The following CADM2 variants were observed in gnomAD, a reference collection of about 807,000 sequenced individuals.
CADM2 encodes immunoglobulin superfamily member 4D.
A neutral mutation model predicts 49.8 loss-of-function variants in CADM2; 12 were observed. That is an observed-to-expected ratio of 0.24 (90% confidence interval 0.15 to 0.39). The LOEUF (loss-of-function observed/expected upper bound fraction) is 0.39, where lower values mean the gene tolerates loss of function less well. CADM2 is among the 10% of genes least tolerant of loss of function. CADM2 has a pLI of 1.00. For synonymous variants in CADM2, 214 were observed against 175.4 expected, an observed-to-expected ratio of 1.22 and a Z score of -1.74; for missense variants, 378 against 492.3, an observed-to-expected ratio of 0.77 and a Z score of 2.20.
chr3:85,928,093 A>C (rs1720113676), intron 6 of CADM2, among the ~76,000 whole-genome samples: 1 of 152,062 alleles, frequency 6.6e-6, no homozygotes. Flanking sequence ...AGTCATTCAA[A>C]TGGAAAGTGA....
chr3:85,837,660 T>A (rs558797423), intron 3 of CADM2, among the ~76,000 whole-genome samples: 3 of 151,876 alleles, frequency 2.0e-5, no homozygotes, highest in Admixed American at 2.0e-4. Context: ...AGAACAAGAA[T>A]CTTTTCTTGA....
intron 7 of CADM2, among the ~76,000 whole-genome samples, chr3:85,959,170 C>CTCTCTCTG (rs1340035996): frequency 6.6e-6 from 1 of 150,840 alleles, no homozygotes; most frequent in East Asian, 2.0e-4. Flanking sequence ...CTCTCTCTCT[C>CTCTCTCTG]TCTGTCTCAC....
In CADM2 at chr3:84,965,117, A is replaced by G. The variant is rs74418588; in HGVS notation, c.61+5449A>G. ...ATAAAAAATGAAGGACACAATTTAA[A>G]TTTACTGATTTAACCTAAAATATTT... On this transcript the variant is annotated intron_variant, in intron 1 of 9. Coordinates refer to ENST00000383699, the MANE Select transcript of CADM2 (RefSeq NM_001167675.2). Among the ~76,000 whole-genome samples the G allele has an allele frequency of 3.0e-3, 450 of 152,348 alleles. 3 individuals are homozygous for G. Among genetic ancestry groups the G allele is most frequent in the African/African-American group, 0.01 (433 of 41,582 alleles).
chr3:85,290,465 T>C (rs1287308090), intron 1 of CADM2, among the ~76,000 whole-genome samples: 2 of 152,186 alleles, frequency 1.3e-5, no homozygotes, highest in African/African-American at 4.8e-5. Flanking sequence ...CTTGCCTCTG[T>C]AGGCTCCATC....
chr3:85,681,725 A>G (rs962561776), intron 1 of CADM2, among the ~76,000 whole-genome samples: 7 of 152,168 alleles, frequency 4.6e-5, no homozygotes, highest in African/African-American at 1.2e-4. Flanking sequence ...TTTTATTCCT[A>G]TTAACCCATT....
chr3:85,777,165 TA>T (rs1271275777), intron 2 of CADM2, among the ~76,000 whole-genome samples: 2 of 151,994 alleles, frequency 1.3e-5, no homozygotes, highest in Non-Finnish European at 2.9e-5. Flanking sequence ...ATCATTTTCA[TA>T]AATAAATTTT....
At position 85,893,749 on chromosome 3, in the gene CADM2, C is replaced by T. The variant is rs878895899; in HGVS notation, c.529+7422C>T. ...CAGCAAGAAGACACATGAAAAAATGCTCATCATCACTGGCCATCAGAGAAA... is the reference window on the plus strand; with the variant it reads ...CAGCAAGAAGACACATGAAAAAATGTTCATCATCACTGGCCATCAGAGAAA... On this transcript the variant is annotated intron_variant, in intron 5 of 9. Coordinates refer to ENST00000383699, the MANE Select transcript of CADM2 (RefSeq NM_001167675.2). Among the ~76,000 whole-genome samples the T allele has an allele frequency of 6.9e-4, 105 of 152,252 alleles. 1 individual carries two copies. Among genetic ancestry groups the T allele is most frequent in the African/African-American group, 2.4e-3 (101 of 41,568 alleles).
intron 1 of CADM2, among the ~76,000 whole-genome samples, chr3:85,418,247 T>C (rs905616092): frequency 1.3e-5 from 2 of 152,028 alleles, no homozygotes; most frequent in South Asian, 4.1e-4. Flanking sequence ...ATCCATAGAA[T>C]TTACAAGACA....
chr3:85,288,678 A>G (rs1355967762), intron 1 of CADM2, among the ~76,000 whole-genome samples: 1 of 151,796 alleles, frequency 6.6e-6, no homozygotes, highest in East Asian at 2.0e-4. Context: ...ATTCAGTGAT[A>G]AGATTCAGAT....
intron 1 of CADM2, among the ~76,000 whole-genome samples, chr3:85,296,711 A>C (rs1476633439): frequency 3.3e-5 from 5 of 152,090 alleles, no homozygotes; most frequent in Non-Finnish European, 5.9e-5. Flanking sequence ...TTTTATTTCT[A>C]AGATCTAATC....
intron 1 of CADM2, among the ~76,000 whole-genome samples, chr3:85,693,921 A>AG (rs1296515368): frequency 1.3e-5 from 2 of 151,636 alleles, no homozygotes; most frequent in South Asian, 2.1e-4. Context: ...AAAAGAAAAA[A>AG]AAAAGAAAAG....
chr3:85,285,641 T>G (rs1251804047), intron 1 of CADM2, among the ~76,000 whole-genome samples: 1 of 151,992 alleles, frequency 6.6e-6, no homozygotes, highest in Non-Finnish European at 1.5e-5. Flanking sequence ...AGTCTTTTTC[T>G]CCTACCACAA....
chr3:85,598,109 G>A (rs1424905805), intron 1 of CADM2, among the ~76,000 whole-genome samples: 1 of 151,876 alleles, frequency 6.6e-6, no homozygotes, highest in African/African-American at 2.4e-5. Flanking sequence ...AGACCGACAC[G>A]GTGGTAAATA....
At chr3:85,281,647 G>C (rs1414877129) in intron 1 of CADM2, among the ~76,000 whole-genome samples, 1 of 152,028 alleles carries the variant, frequency 6.6e-6, no homozygotes, top group East Asian at 1.9e-4. Flanking sequence ...TTTTCAAAGA[G>C]TTCACTAAAT....
intron 1 of CADM2, among the ~76,000 whole-genome samples, chr3:85,295,304 A>G (rs2043928253): frequency 6.6e-6 from 1 of 151,930 alleles, no homozygotes; most frequent in Admixed American, 6.5e-5. Context: ...GGTGCTGGAG[A>G]GGATGTGGAG....
chr3:85,220,534 T>A (rs1173340135), intron 1 of CADM2, among the ~76,000 whole-genome samples: 2 of 152,168 alleles, frequency 1.3e-5, no homozygotes, highest in Non-Finnish European at 2.9e-5. Context: ...TAGTTGAACA[T>A]CTAGGGCTTA....
intron 2 of CADM2, among the ~76,000 whole-genome samples, chr3:85,782,158 T>C (rs565270686): frequency 1.8e-4 from 28 of 152,326 alleles, no homozygotes; most frequent in African/African-American, 6.5e-4. Context: ...TATTATACTA[T>C]GTTATTTGTG....
intron 1 of CADM2, among the ~76,000 whole-genome samples, chr3:85,697,070 A>ATATATATATATGC (rs1264394615): frequency 1.9e-5 from 1 of 52,500 alleles, no homozygotes; most frequent in African/African-American, 9.1e-5. Context: ...TGTCTTAATT[A>ATATATATATATGC]TATATATATA....
At chr3:85,996,290 CTTTTTTTTTTTT>C (rs397990432) in intron 8 of CADM2, among the ~76,000 whole-genome samples, 1 of 89,312 alleles carries the variant, frequency 1.1e-5, no homozygotes, top group African/African-American at 4.3e-5. Context: ...TTTTCATTTA[CTTTTTTTTTTTT>C]TTTTTTTTTT....
Sources: gnomAD v4.1 joint callset for allele counts (sites outside exome capture counted in the v4.1 genomes callset) on GRCh38, gnomAD v4.1.1 for gene constraint, MANE v1.5 for transcripts, NCBI Gene and HGNC (gene_info 2026-07-23, HGNC 2026-07-21) for gene names.